The following PALM2AKAP2 variants were observed in gnomAD, a reference collection of about 807,000 sequenced individuals.
PALM2AKAP2 encodes the protein PALM2-AKAP2 fusion protein.
PALM2AKAP2 carries 37 observed loss-of-function variants against 71.5 expected under a neutral mutation model. The observed-to-expected ratio is 0.52, with a 90% confidence interval of 0.40 to 0.68. The LOEUF (loss-of-function observed/expected upper bound fraction) is 0.68, where lower values mean the gene tolerates loss of function less well. Among genes scored for constraint, PALM2AKAP2 ranks in the 30% least tolerant of loss-of-function variants. The probability of loss-of-function intolerance (pLI) is 0.00; values close to 1 mark genes in which losing one functional copy is unlikely to be tolerated. For synonymous variants in PALM2AKAP2, 468 were observed against 478.8 expected, an observed-to-expected ratio of 0.98 and a Z score of 0.29; for missense variants, 1,224 against 1,191.8, an observed-to-expected ratio of 1.03 and a Z score of -0.40.
chr9:110,022,342 A>G (rs1457438803), intron 7 of PALM2AKAP2, among the ~76,000 whole-genome samples: 1 of 152,158 alleles, frequency 6.6e-6, no homozygotes, highest in Non-Finnish European at 1.5e-5. Context: ...AAAAAAATAA[A>G]TGAAAAGATC....
At chr9:109,744,016 G>A (rs532629097) in intron 1 of PALM2AKAP2, among the ~76,000 whole-genome samples, 2 of 152,246 alleles carry the variant, frequency 1.3e-5, no homozygotes, top group African/African-American at 4.8e-5. Context: ...CATGGGAGTG[G>A]GAGTGAGGTG....
At chr9:109,832,080 G>C (rs1172078984) in intron 1 of PALM2AKAP2, among the ~76,000 whole-genome samples, 1 of 152,106 alleles carries the variant, frequency 6.6e-6, no homozygotes, top group East Asian at 1.9e-4. Flanking sequence ...GGGAGGCAAG[G>C]GGAAGGCTCA....
intron 6 of PALM2AKAP2, among the ~76,000 whole-genome samples, chr9:109,960,683 G>A (rs1831837910): frequency 6.6e-6 from 1 of 152,122 alleles, no homozygotes; most frequent in African/African-American, 2.4e-5. Context: ...GGGAGAGGAG[G>A]GGACAGGAGC....
At chr9:109,981,433 G>C (rs1281377566) in intron 6 of PALM2AKAP2, among the ~76,000 whole-genome samples, 1 of 152,198 alleles carries the variant, frequency 6.6e-6, no homozygotes, top group African/African-American at 2.4e-5. Flanking sequence ...AGCTTTGAAT[G>C]GCAGGAGCTT....
intron 7 of PALM2AKAP2, among the ~76,000 whole-genome samples, chr9:110,030,946 C>T (rs1402792470): frequency 6.6e-6 from 1 of 152,176 alleles, no homozygotes; most frequent in East Asian, 1.9e-4. Context: ...AGAAATTAGT[C>T]AGTGGAGATG....
chr9:110,126,983 G>C (rs1405702110), intron 1 of PALM2AKAP2, among the ~76,000 whole-genome samples: 8 of 152,194 alleles, frequency 5.3e-5, no homozygotes, highest in Admixed American at 4.6e-4. Flanking sequence ...AAGACACAGG[G>C]AAGCCTTGTT....
intron 1 of PALM2AKAP2, among the ~76,000 whole-genome samples, chr9:110,080,377 C>T (rs963765845): frequency 1.4e-4 from 22 of 151,942 alleles, no homozygotes; most frequent in African/African-American, 5.1e-4. Flanking sequence ...AGAAACCATA[C>T]ATTTTATCTC....
rs149672913 is a variant in PALM2AKAP2, at chr9:110,023,305, C to CTT, written c.582+7291_582+7292dup. ...GTGAGATGGTATCTCATTGTGGTTT[C>CTT]TTTTTTTTTTTTTTTTTTTTTTTTT... On this transcript the variant is annotated intron_variant, in intron 7 of 9. Transcript: ENST00000302798. Among the ~76,000 whole-genome samples the CTT allele has an allele frequency of 3.0e-4, 22 of 74,046 alleles. 2 individuals carry two copies. Among genetic ancestry groups the CTT allele is most frequent in the Admixed American group, 5.6e-4 (3 of 5,318 alleles). The allele number at this position is 74,046 out of a possible 152,430, so 48.6% of individuals were successfully genotyped here. A position where few individuals can be genotyped will look rare whatever the true frequency, so the allele number is the denominator to read the frequency against.
At chr9:109,883,355 C>G (rs2131775397) in intron 3 of PALM2AKAP2, among the ~76,000 whole-genome samples, 1 of 152,274 alleles carries the variant, frequency 6.6e-6, no homozygotes, top group Admixed American at 6.5e-5. Context: ...GATGGTGAGG[C>G]CTGGATTCAG....
intron 6 of PALM2AKAP2, among the ~76,000 whole-genome samples, chr9:109,964,216 A>G (rs1831902813): frequency 6.6e-6 from 1 of 152,264 alleles, no homozygotes; most frequent in African/African-American, 2.4e-5. Flanking sequence ...CTGCAGCCCT[A>G]CCAGTTCCCA....
chr9:109,984,221 A>T (rs1328472958), intron 6 of PALM2AKAP2, among the ~76,000 whole-genome samples: 1 of 152,232 alleles, frequency 6.6e-6, no homozygotes, highest in Non-Finnish European at 1.5e-5. Context: ...AGTCTCTTAA[A>T]TACATCTCTA....
At chr9:110,023,940 G>A (rs1205871019) in intron 7 of PALM2AKAP2, among the ~76,000 whole-genome samples, 4 of 152,056 alleles carry the variant, frequency 2.6e-5, no homozygotes, top group Admixed American at 6.5e-5. Flanking sequence ...GCTGCAGTGA[G>A]CTGTGATAAA....
rs143109721 is a variant in PALM2AKAP2 at position 110,015,761 on chromosome 9, A to G, written c.497-193A>G. On this transcript the variant is annotated intron_variant, in intron 6 of 9. Transcript: ENST00000302798. ...CTAAATTGGAGATTAGGTAAAAACA[A>G]AAGAAGTGCTCCAGGACTACACTTC... 4.6e-5 allele frequency among the ~76,000 whole-genome samples: 7 copies of G among 152,300 alleles called. No homozygotes were observed. In the East Asian group the frequency reaches 1.4e-3, roughly 29 times the overall value.
chr9:110,097,703 C>T (rs1834887632), intron 1 of PALM2AKAP2, among the ~76,000 whole-genome samples: 1 of 145,938 alleles, frequency 6.9e-6, no homozygotes, highest in South Asian at 2.1e-4. Flanking sequence ...AGGGGCTCCT[C>T]ACATCCCAGA....
chr9:110,073,833 G>C (rs760602449), intron 1 of PALM2AKAP2, among the ~76,000 whole-genome samples: 2 of 152,038 alleles, frequency 1.3e-5, no homozygotes, highest in East Asian at 3.9e-4. Flanking sequence ...TTTTTTTCTG[G>C]AGGCTGAATA....
At chr9:110,092,201 G>A (rs1348172335) in intron 1 of PALM2AKAP2, among the ~76,000 whole-genome samples, 1 of 152,124 alleles carries the variant, frequency 6.6e-6, no homozygotes, top group Non-Finnish European at 1.5e-5. Flanking sequence ...GTGTGGTGGT[G>A]CATTCCTGTA....
At chr9:109,889,604 G>A (rs79616016) in intron 3 of PALM2AKAP2, among the ~76,000 whole-genome samples, 4,710 of 152,216 alleles carry the variant, frequency 0.031, 153 homozygotes, top group East Asian at 0.14. Context: ...AGGGTTTGTG[G>A]TCAGCTTTGC....
At chr9:109,726,639 A>G (rs1028455062) in intron 1 of PALM2AKAP2, among the ~76,000 whole-genome samples, 2 of 152,224 alleles carry the variant, frequency 1.3e-5, no homozygotes, top group African/African-American at 4.8e-5. Context: ...TGCCATATAT[A>G]TGTGTGTATG....
chr9:110,143,302 G>A (rs1238380793), intron 2 of PALM2AKAP2, among the ~76,000 whole-genome samples: 1 of 148,690 alleles, frequency 6.7e-6, no homozygotes. Flanking sequence ...CATGCCTGTT[G>A]TCCCAGCTAC....
Sources: allele counts gnomAD v4.1 joint callset (sites outside exome capture counted in the v4.1 genomes callset), GRCh38; gene constraint gnomAD v4.1.1; transcripts MANE v1.5; gene names NCBI Gene and HGNC (gene_info 2026-07-23, HGNC 2026-07-21).